The following PTPRM variants were observed in gnomAD, a reference collection of about 807,000 sequenced individuals.
PTPRM encodes protein tyrosine phosphatase receptor type M.
PTPRM carries 47 observed loss-of-function variants against 186.7 expected under a neutral mutation model. That is an observed-to-expected ratio of 0.25 (90% CI 0.20 to 0.32). The LOEUF is 0.32. Ranked by LOEUF, PTPRM falls within the 10% of genes least tolerant of loss-of-function variation. The probability of loss-of-function intolerance (pLI) is 1.00; values close to 1 mark genes in which losing one functional copy is unlikely to be tolerated. For synonymous variants in PTPRM, 668 were observed against 674.9 expected (o/e 0.99, Z 0.16); for missense variants, 1,494 against 1,865.0 (o/e 0.80, Z 3.66).
chr18:7,898,601 T>C (rs2049493622), intron 3 of PTPRM, among the ~76,000 whole-genome samples: 1 of 152,138 alleles, frequency 6.6e-6, no homozygotes, highest in South Asian at 2.1e-4. Context: ...GTTTAACCAG[T>C]TGTTTCCTCT....
chr18:8,117,243 A>G (rs1209876767), intron 13 of PTPRM, among the ~76,000 whole-genome samples: 1 of 152,206 alleles, frequency 6.6e-6, no homozygotes, highest in Non-Finnish European at 1.5e-5. Flanking sequence ...CAGAGTAAAG[A>G]TGTTTAAAAT....
intron 19 of PTPRM, among the ~76,000 whole-genome samples, chr18:8,279,254 T>C (rs1367065212): frequency 2.0e-5 from 3 of 152,076 alleles, no homozygotes; most frequent in Non-Finnish European, 4.4e-5. Flanking sequence ...TCATCTTCCA[T>C]GGTGAGGAAC....
In PTPRM at chr18:7,955,192, G is replaced by T. The variant is rs1007495793; in HGVS notation, c.910G>T (p.Ala304Ser). The T allele has an allele frequency of 6.2e-7, 1 of 1,614,024 alleles. No individual in the cohort carries two copies. Among genetic ancestry groups the T allele is most frequent in the Non-Finnish European group, 8.5e-7 (1 of 1,180,032 alleles). The change falls in exon 7 of 33, where the codon GCC (alanine) becomes TCC (serine). Residue 304 changes from alanine (A) to serine (S), a missense_variant. By Grantham distance (99) the Ala-to-Ser change is moderately conservative. Around this residue, in one of 3 missense-constraint regions of PTPRM, gnomAD observed 91 missense variants for 169.3 expected, o/e 0.54. Transcript: ENST00000580170. ...GATYLWIQLN[A>S]NSINGDGPIV... ...CACCTACCTGTGGATACAGCTCAACGCCAACTCCATCAATGGGGATGGGCC... is the reference window on the plus strand; with the variant it reads ...CACCTACCTGTGGATACAGCTCAACTCCAACTCCATCAATGGGGATGGGCC...
chr18:8,227,714 A>C (rs2094231797), intron 14 of PTPRM, among the ~76,000 whole-genome samples: 1 of 152,164 alleles, frequency 6.6e-6, no homozygotes, highest in Non-Finnish European at 1.5e-5. Flanking sequence ...TCTCTTTCTC[A>C]CTTATATTTA....
At chr18:7,805,071 G>A (rs1199523165) in intron 2 of PTPRM, among the ~76,000 whole-genome samples, 3 of 152,210 alleles carry the variant, frequency 2.0e-5, no homozygotes, top group Non-Finnish European at 2.9e-5. Flanking sequence ...AAAAGTGACA[G>A]AAGCACTTGA....
intron 1 of PTPRM, among the ~76,000 whole-genome samples, chr18:7,733,707 C>T (rs2040709009): frequency 6.6e-6 from 1 of 152,060 alleles, no homozygotes; most frequent in African/African-American, 2.4e-5. Flanking sequence ...ACAGAGGGTC[C>T]CTGTAAGCAG....
chr18:7,914,675 G>T (rs2050452751), intron 4 of PTPRM, among the ~76,000 whole-genome samples: 2 of 152,164 alleles, frequency 1.3e-5, no homozygotes, highest in African/African-American at 4.8e-5. Context: ...AGCTGCTAAT[G>T]GTAAACCTCT....
chr18:8,233,829 T>C (rs2094314942), intron 14 of PTPRM, among the ~76,000 whole-genome samples: 1 of 152,192 alleles, frequency 6.6e-6, no homozygotes, highest in Non-Finnish European at 1.5e-5. Context: ...TTGTGAAGGG[T>C]GTAAGGCCTG....
At chr18:8,164,513 G>A (rs2093287354) in intron 14 of PTPRM, among the ~76,000 whole-genome samples, 1 of 152,182 alleles carries the variant, frequency 6.6e-6, no homozygotes, top group African/African-American at 2.4e-5. Context: ...GTACTATTCA[G>A]TCTTAAAAAG....
chr18:8,000,492 T>C (rs1213593145), intron 7 of PTPRM, among the ~76,000 whole-genome samples: 1 of 152,222 alleles, frequency 6.6e-6, no homozygotes, highest in Admixed American at 6.5e-5. Flanking sequence ...AATAACAGAA[T>C]TCTCACTTGG....
In PTPRM at chr18:8,113,388, T is replaced by G. The variant is rs2091838102; in HGVS notation, c.1857-98T>G. Reference sequence around the variant, plus strand: ...TTAGTATGGACTGCGTCCAGTGTGTTCTTTATTTTGCGTGTCCTGTGGGTC... The same window carrying G: ...TTAGTATGGACTGCGTCCAGTGTGTGCTTTATTTTGCGTGTCCTGTGGGTC... On this transcript the variant is annotated intron_variant, in intron 11 of 32. Coordinates refer to ENST00000580170, the MANE Select transcript of PTPRM (RefSeq NM_001105244.2). 9 of 1,121,948 alleles carry G rather than the reference T, an allele frequency of 8.0e-6. No homozygotes were observed. In the South Asian group the frequency reaches 1.3e-4, roughly 16 times the overall value. 69.5% of individuals were successfully genotyped at this position (1,121,948 alleles called of 1,614,324 possible).
chr18:7,619,590 T>TGAAGACACAGGGGAGAA (rs1204735153), intron 1 of PTPRM, among the ~76,000 whole-genome samples: 1 of 152,190 alleles, frequency 6.6e-6, no homozygotes, highest in Non-Finnish European at 1.5e-5. Flanking sequence ...AATCACTTGT[T>TGAAGACACAGGGGAGAA]GAAGACACAG....
chr18:7,760,504 G>A (rs544713797), intron 1 of PTPRM, among the ~76,000 whole-genome samples: 3 of 152,176 alleles, frequency 2.0e-5, no homozygotes, highest in Non-Finnish European at 4.4e-5. Flanking sequence ...CGCCCTCGTG[G>A]GCTGAGAGAG....
intron 1 of PTPRM, among the ~76,000 whole-genome samples, chr18:7,677,464 G>C (rs1333222609): frequency 6.6e-6 from 1 of 152,186 alleles, no homozygotes; most frequent in Admixed American, 6.5e-5. Flanking sequence ...CCTTGAACAA[G>C]AGAAGCAGAA....
intron 2 of PTPRM, among the ~76,000 whole-genome samples, chr18:7,846,946 G>C (rs539554391): frequency 2.0e-5 from 3 of 151,714 alleles, no homozygotes; most frequent in Non-Finnish European, 4.4e-5. Flanking sequence ...CCCTTTATTT[G>C]ATTTCTCTCC....
At chr18:7,645,880 C>T (rs1192412022) in intron 1 of PTPRM, among the ~76,000 whole-genome samples, 1 of 152,134 alleles carries the variant, frequency 6.6e-6, no homozygotes, top group Middle Eastern at 3.2e-3. Context: ...TTTTGAGAGA[C>T]AGTAGCCAGG....
chr18:8,344,103 T>C (rs8093169), intron 23 of PTPRM, among the ~76,000 whole-genome samples: 41,979 of 152,132 alleles, frequency 0.28, 6,013 homozygotes, highest in East Asian at 0.5. Context: ...TAGTATGCTA[T>C]AGGATTATTT....
chr18:8,381,457 C>G (rs1365431905), intron 29 of PTPRM, among the ~76,000 whole-genome samples: 2 of 151,856 alleles, frequency 1.3e-5, no homozygotes, highest in Non-Finnish European at 2.9e-5. Context: ...TTGCCATCAT[C>G]CAGCCATAAA....
chr18:8,387,268 C>G, intron 31 of PTPRM, 33 bp downstream of exon 31: 3 of 1,593,256 alleles, frequency 1.9e-6, no homozygotes, highest in Non-Finnish European at 2.6e-6. Flanking sequence ...CATTTCAGAA[C>G]AGCGAGGCCC....
Sources: gnomAD v4.1 joint callset for allele counts (sites outside exome capture counted in the v4.1 genomes callset) on GRCh38, gnomAD v4.1.1 for gene constraint, gnomAD v4.1.1 regional missense constraint, MANE v1.5 for transcripts, NCBI Gene and HGNC (gene_info 2026-07-23, HGNC 2026-07-21) for gene names.